The following TAFA2 variants were observed in gnomAD, a reference collection of about 807,000 sequenced individuals.
TAFA2 encodes the protein chemokine-like protein TAFA-2.
Under a neutral mutation model 18.8 loss-of-function variants are expected in TAFA2, and 7 were observed. That is an observed-to-expected ratio of 0.37 (90% confidence interval 0.21 to 0.70). TAFA2 has a LOEUF of 0.70. Among genes scored for constraint, TAFA2 ranks in the 30% least tolerant of loss-of-function variants. TAFA2 has a pLI of 0.53. For synonymous variants in TAFA2, 60 were observed against 54.2 expected, an observed-to-expected ratio of 1.11 and a Z score of -0.47; for missense variants, 122 against 158.1, an observed-to-expected ratio of 0.77 and a Z score of 1.23.
intron 1 of TAFA2, among the ~76,000 whole-genome samples, chr12:61,888,078 C>T (rs934946872): frequency 6.6e-6 from 1 of 151,878 alleles, no homozygotes; most frequent in Non-Finnish European, 1.5e-5. Flanking sequence ...AGTCAGGAAA[C>T]AACAGGTGCT....
At chr12:61,748,271 T>A (rs1868830248) in intron 4 of TAFA2, among the ~76,000 whole-genome samples, 1 of 152,128 alleles carries the variant, frequency 6.6e-6, no homozygotes, top group South Asian at 2.1e-4. Context: ...CTAAGTAAGA[T>A]GTATTTCTTA....
chr12:62,225,955 A>G (rs1001540752), intron 1 of TAFA2, among the ~76,000 whole-genome samples: 4 of 152,142 alleles, frequency 2.6e-5, no homozygotes, highest in African/African-American at 9.7e-5. Flanking sequence ...TTGAGGCAGT[A>G]CTCCCACATC....
chr12:62,136,498 T>C (rs1870900795), intron 1 of TAFA2, among the ~76,000 whole-genome samples: 1 of 152,126 alleles, frequency 6.6e-6, no homozygotes, highest in Non-Finnish European at 1.5e-5. Flanking sequence ...AGAATATAAT[T>C]TCTCCTAAGG....
intron 1 of TAFA2, among the ~76,000 whole-genome samples, chr12:61,982,896 T>TAAAAAAAAA (rs1879688469): frequency 1.3e-5 from 1 of 78,646 alleles, no homozygotes; most frequent in East Asian, 2.5e-4. Context: ...AAAAAAAAAG[T>TAAAAAAAAA]TACTTTTTTA....
In TAFA2 at chr12:61,879,520, G is replaced by C. The variant is rs182906600; in HGVS notation, c.-1-12094C>G. On this transcript the variant is annotated intron_variant, in intron 1 of 4. Coordinates refer to ENST00000416284, the MANE Select transcript of TAFA2 (RefSeq NM_178539.5). ...TATTGGAGGGATCACTGCTGTCATG[G>C]TCAACCAGAGCCTGCTGAGGCCCCT... 193 of 711,294 alleles carry C rather than the reference G, an allele frequency of 2.7e-4. No homozygotes were observed. In the African/African-American group the frequency reaches 2.8e-3, roughly 10 times the overall value. 44.1% of individuals were successfully genotyped at this position (711,294 alleles called of 1,614,324 possible).
At chr12:62,108,857 T>A (rs1249759579) in intron 1 of TAFA2, among the ~76,000 whole-genome samples, 3 of 152,136 alleles carry the variant, frequency 2.0e-5, no homozygotes, top group Non-Finnish European at 2.9e-5. Flanking sequence ...AAATTTAAGT[T>A]CCTTGTAGAT....
chr12:61,973,847 ATTG>A (rs1230684821), intron 1 of TAFA2, among the ~76,000 whole-genome samples: 1 of 151,688 alleles, frequency 6.6e-6, no homozygotes, highest in African/African-American at 2.4e-5. Flanking sequence ...GGAGCCAACC[ATTG>A]TTGTTCTTTA....
At chr12:62,038,925 C>G (rs1592298026) in intron 1 of TAFA2, among the ~76,000 whole-genome samples, 1 of 152,062 alleles carries the variant, frequency 6.6e-6, no homozygotes, top group Non-Finnish European at 1.5e-5. Context: ...CTCCCAAACC[C>G]TTCACATAGC....
chr12:62,151,995 T>C (rs2062331952), intron 1 of TAFA2, among the ~76,000 whole-genome samples: 1 of 152,190 alleles, frequency 6.6e-6, no homozygotes, highest in African/African-American at 2.4e-5. Context: ...TAGTGCAAAA[T>C]ATTTTCAATA....
chr12:61,814,308 G>C (rs1178413319), intron 2 of TAFA2, among the ~76,000 whole-genome samples: 1 of 151,342 alleles, frequency 6.6e-6, no homozygotes, highest in East Asian at 1.9e-4. Flanking sequence ...TAGTGAGCAA[G>C]CTAGGGAATG....
intron 1 of TAFA2, among the ~76,000 whole-genome samples, chr12:62,119,632 G>C (rs550106219): frequency 3.2e-4 from 48 of 152,174 alleles, no homozygotes; most frequent in Non-Finnish European, 5.9e-4. Flanking sequence ...AAATGAAACC[G>C]AATTAACCTG....
At chr12:62,211,667 A>C (rs886707900) in intron 1 of TAFA2, among the ~76,000 whole-genome samples, 3 of 152,082 alleles carry the variant, frequency 2.0e-5, no homozygotes, top group African/African-American at 7.2e-5. Flanking sequence ...CTTCTTTCAT[A>C]ATCATTCAGG....
intron 1 of TAFA2, chr12:62,021,792 A>T (rs17705406): frequency 0.35 from 333,402 of 954,328 alleles, 62,004 homozygotes; most frequent in Non-Finnish European, 0.39. Context: ...CATGGCAGTG[A>T]CAATGTAATA....
upstream of TAFA2, chr12:62,259,655 C>T (rs1429450039): frequency 6.6e-6 from 1 of 152,186 alleles, no homozygotes; most frequent in Non-Finnish European, 1.5e-5. Context: ...GAGGGTTTCT[C>T]GCACGTTTTC....
intron 1 of TAFA2, among the ~76,000 whole-genome samples, chr12:61,937,266 A>C (rs757372061): frequency 2.6e-5 from 4 of 152,164 alleles, no homozygotes; most frequent in Non-Finnish European, 5.9e-5. Context: ...AATTCCTATC[A>C]AAATATCAAC....
At position 61,801,602 on chromosome 12, in the gene TAFA2, A is replaced by C. The variant is rs185081969; in HGVS notation, c.107-46578T>G. ...CCCCTATCTCTCACCACATACAAAA[A>C]TCTACTCAGTGTGGATTAAAGACTT... is the stretch of plus-strand genomic sequence containing the variant. On this transcript the variant is annotated intron_variant, in intron 2 of 4. Transcript: ENST00000416284. 3.1e-3 allele frequency among the ~76,000 whole-genome samples: 479 copies of C among 152,228 alleles called. 1 individual carries two copies. The highest frequency in any genetic ancestry group is 0.011 in the African/African-American group (448 of 41,558).
chr12:61,834,380 T>C (rs1038440919), intron 2 of TAFA2, among the ~76,000 whole-genome samples: 2 of 152,064 alleles, frequency 1.3e-5, no homozygotes, highest in Non-Finnish European at 2.9e-5. Context: ...CTTACCTGCA[T>C]ATCGGCTCTT....
At chr12:62,004,369 T>C (rs1243037183) in intron 1 of TAFA2, among the ~76,000 whole-genome samples, 1 of 152,190 alleles carries the variant, frequency 6.6e-6, no homozygotes, top group African/African-American at 2.4e-5. Flanking sequence ...GATATGGTTA[T>C]ATTCTTTTCA....
intron 1 of TAFA2, among the ~76,000 whole-genome samples, chr12:61,972,276 AT>A (rs1388814959): frequency 1.4e-5 from 2 of 143,722 alleles, no homozygotes; most frequent in African/African-American, 5.2e-5. Flanking sequence ...AAACTGCCAA[AT>A]ACTTAAAATA....
Sources: allele counts gnomAD v4.1 joint callset (sites outside exome capture counted in the v4.1 genomes callset), GRCh38; gene constraint gnomAD v4.1.1; transcripts MANE v1.5; gene names NCBI Gene and HGNC (gene_info 2026-07-23, HGNC 2026-07-21).